The following ADAMTS17 variants were observed in gnomAD, a reference collection of about 807,000 sequenced individuals.
ADAMTS17 encodes ADAM metallopeptidase with thrombospondin type 1 motif 17.
ADAMTS17 carries 113 observed loss-of-function variants against 141.5 expected under a neutral mutation model. That is an observed-to-expected ratio of 0.80 (90% CI 0.69 to 0.93). ADAMTS17 has a LOEUF of 0.93. Among genes scored for constraint, ADAMTS17 ranks in the 40% least tolerant of loss-of-function variants. The probability of loss-of-function intolerance (pLI) is 0.00; values close to 1 mark genes in which losing one functional copy is unlikely to be tolerated. For synonymous variants in ADAMTS17, 768 were observed against 630.6 expected, an observed-to-expected ratio of 1.22 and a Z score of -3.27; for missense variants, 1,659 against 1,517.9, an observed-to-expected ratio of 1.09 and a Z score of -1.54.
At chr15:100,008,321 G>T (rs1346812991) in intron 18 of ADAMTS17, among the ~76,000 whole-genome samples, 2 of 152,126 alleles carry the variant, frequency 1.3e-5, no homozygotes, top group African/African-American at 4.8e-5. Flanking sequence ...GATTTCTGTG[G>T]CCAGGGGAAG....
intron 9 of ADAMTS17, among the ~76,000 whole-genome samples, chr15:100,153,035 A>G (rs1013662415): frequency 1.8e-5 from 1 of 56,156 alleles, no homozygotes; most frequent in Admixed American, 2.0e-4. Context: ...AGGCTGATGG[A>G]CTTTTACTGG....
chr15:100,136,869 C>T (rs897746934), intron 10 of ADAMTS17, among the ~76,000 whole-genome samples: 35 of 152,146 alleles, frequency 2.3e-4, no homozygotes, highest in Admixed American at 1.2e-3. Flanking sequence ...AGAGATACAC[C>T]AGAACACTCT....
At chr15:100,102,725 T>C (rs2036193709) in intron 14 of ADAMTS17, among the ~76,000 whole-genome samples, 1 of 152,114 alleles carries the variant, frequency 6.6e-6, no homozygotes, top group Non-Finnish European at 1.5e-5. Flanking sequence ...CTGGGCACCG[T>C]CCTCAGCACA....
At chr15:100,118,458 G>T (rs954693977) in intron 12 of ADAMTS17, among the ~76,000 whole-genome samples, 7 of 152,194 alleles carry the variant, frequency 4.6e-5, no homozygotes, top group African/African-American at 1.7e-4. Flanking sequence ...CCTACTGGTG[G>T]CCCCATAGTG....
intron 15 of ADAMTS17, among the ~76,000 whole-genome samples, chr15:100,086,355 T>G (rs13380238): frequency 0.31 from 45,690 of 146,658 alleles, 9,559 homozygotes; most frequent in East Asian, 0.59. Flanking sequence ...AGCAAGTCCT[T>G]AGTGACTAGA....
chr15:100,341,292 C>T lies in ADAMTS17; in HGVS notation c.197G>A (p.Arg66His). 1 of 1,115,684 alleles carries T rather than the reference C, an allele frequency of 9.0e-7. No homozygotes were observed. The highest frequency in any genetic ancestry group is 1.1e-6 in the Non-Finnish European group (1 of 917,056). The allele number at this position is 1,115,684 out of a possible 1,614,324, so 69.1% of individuals were successfully genotyped here. A position where few individuals can be genotyped will look rare whatever the true frequency, so the allele number is the denominator to read the frequency against. The change falls in exon 2 of 22, where the codon CGC (arginine) becomes CAC (histidine). Residue 66 changes from arginine (R) to histidine (H), a missense_variant. Arg to His is a conservative substitution (Grantham distance 29). Transcript: ENST00000268070. ...GGCGCGCGGGGCGGCTGGGGGCGTG[C>T]GGGGGCGTCGCCGCCGTCGGGGCCC... is the stretch of plus-strand genomic sequence containing the variant. ...APGPRRRRRPRTPPAAPRARP... is the reference protein window; with the variant it reads ...APGPRRRRRPHTPPAAPRARP...
intron 20 of ADAMTS17, among the ~76,000 whole-genome samples, chr15:99,977,363 T>C (rs547483133): frequency 1.1e-4 from 1 of 8,836 alleles, no homozygotes; most frequent in African/African-American, 7.0e-4. Flanking sequence ...TATATATATA[T>C]ATATATATAT....
chr15:100,140,468 CAG>C (rs2038572520), intron 10 of ADAMTS17, among the ~76,000 whole-genome samples: 2 of 108,580 alleles, frequency 1.8e-5, no homozygotes, highest in African/African-American at 3.2e-5. Context: ...CACACACACA[CAG>C]ACACACACAC....
chr15:100,219,022 T>C (rs1002722074), intron 7 of ADAMTS17, among the ~76,000 whole-genome samples: 15 of 152,168 alleles, frequency 9.9e-5, no homozygotes, highest in Non-Finnish European at 1.9e-4. Context: ...AGAACAAGTA[T>C]GATGTTCTGA....
chr15:100,166,498 G>C (rs927403007), intron 8 of ADAMTS17, among the ~76,000 whole-genome samples: 4 of 151,920 alleles, frequency 2.6e-5, no homozygotes, highest in African/African-American at 7.2e-5. Context: ...TTTGCACACT[G>C]AATACATTTG....
At chr15:99,975,985 G>C in intron 21 of ADAMTS17, 60 bp downstream of exon 21, 1 of 1,500,750 alleles carries the variant, frequency 6.7e-7, no homozygotes, top group Non-Finnish European at 9.0e-7. Flanking sequence ...CGTCAGGGAG[G>C]ACTTACTGGG....
Position 99,997,622 on chromosome 15 carries a change from C to A in ADAMTS17, c.2592-33G>T. 1.9e-6 allele frequency: 3 copies of A among 1,611,612 alleles called. No homozygotes were observed. The highest frequency in any genetic ancestry group is 2.5e-6 in the Non-Finnish European group (3 of 1,179,734). The stretch of plus-strand genomic sequence containing the variant: ...ACGGGAGGAAAGAGAGAGAGAACGA[C>A]TGGGTGAGAGGCCAGCCTCTCCGGA... On this transcript the variant is annotated intron_variant, in intron 18 of 21. Transcript: ENST00000268070. This position sits in a 1 kb window ranked among gnomAD's most constrained non-coding sequence, Gnocchi z 4.7.
chr15:100,251,857 G>C lies in ADAMTS17; in HGVS notation c.1075+2279C>G, dbSNP rs1470250044. Among the ~76,000 whole-genome samples the C allele has an allele frequency of 2.0e-5, 3 of 152,314 alleles. No homozygotes were observed. The East Asian group carries it at 5.8e-4, about 29-fold the overall frequency. On this transcript the variant is annotated intron_variant, in intron 7 of 21. Coordinates refer to ENST00000268070, the MANE Select transcript of ADAMTS17 (RefSeq NM_139057.4). ...AGGCAGGTGCGCACACAGAGGAAAG[G>C]CCACAAGAGGACACAGGAGAAGGCA...
At chr15:100,313,909 C>A (rs2045480893) in intron 3 of ADAMTS17, among the ~76,000 whole-genome samples, 1 of 22,332 alleles carries the variant, frequency 4.5e-5, no homozygotes, top group Non-Finnish European at 7.8e-5. Context: ...GACAAAACCA[C>A]CCCAAACGTC....
intron 18 of ADAMTS17, among the ~76,000 whole-genome samples, chr15:99,998,004 T>G (rs970144501): frequency 6.6e-6 from 1 of 152,154 alleles, no homozygotes; most frequent in African/African-American, 2.4e-5. Flanking sequence ...CTTCTTACCC[T>G]CTGCTGGGAG....
intron 7 of ADAMTS17, among the ~76,000 whole-genome samples, chr15:100,208,697 A>C (rs955639145): frequency 1.3e-5 from 2 of 152,210 alleles, no homozygotes; most frequent in Non-Finnish European, 1.5e-5. Flanking sequence ...CTATATGTAA[A>C]TTATGCCTCA....
Position 100,064,619 on chromosome 15 carries a change from T to C in ADAMTS17, c.2138-10565A>G, listed in dbSNP as rs574272955. The stretch of plus-strand genomic sequence containing the variant: ...TAACACACGGTGCACCGTTTCTTGC[T>C]TCCACCACCTTTGGCCATTTCACTT... On this transcript the variant is annotated intron_variant, in intron 15 of 21. Coordinates refer to ENST00000268070, the MANE Select transcript of ADAMTS17 (RefSeq NM_139057.4). 2.0e-5 allele frequency among the ~76,000 whole-genome samples: 3 copies of C among 152,306 alleles called. 1 individual carries two copies. The highest frequency in any genetic ancestry group is 4.1e-4 in the South Asian group (2 of 4,822).
At chr15:100,291,009 T>A (rs2044607606) in intron 3 of ADAMTS17, among the ~76,000 whole-genome samples, 1 of 152,178 alleles carries the variant, frequency 6.6e-6, no homozygotes, top group African/African-American at 2.4e-5. Flanking sequence ...AAATGGGGCC[T>A]AATTAAACCA....
At chr15:100,091,923 G>A (rs1234406493) in intron 15 of ADAMTS17, among the ~76,000 whole-genome samples, 1 of 152,128 alleles carries the variant, frequency 6.6e-6, no homozygotes, top group Non-Finnish European at 1.5e-5. Flanking sequence ...TAATGGAAAA[G>A]AACTCATTGT....
Sources: allele counts gnomAD v4.1 joint callset (sites outside exome capture counted in the v4.1 genomes callset), GRCh38; gene constraint gnomAD v4.1.1; non-coding constraint Gnocchi (gnomAD v3.1); transcripts MANE v1.5; gene names NCBI Gene and HGNC (gene_info 2026-07-23, HGNC 2026-07-21).